The following JADE3 variants were observed in gnomAD, a reference collection of about 807,000 sequenced individuals.
The protein encoded by JADE3 is jade family PHD finger 3, also known as protein Jade-3.
JADE3 carries 2 observed loss-of-function variants against 50.1 expected under a neutral mutation model. The ratio of observed to expected loss-of-function variants is 0.04; its 90% CI spans 0.02 to 0.13. JADE3 has a LOEUF of 0.13. Among genes scored for constraint, JADE3 ranks in the 10% least tolerant of loss-of-function variants. The pLI is 1.00. For synonymous variants in JADE3, 218 were observed against 232.9 expected (o/e 0.94, Z 0.58); for missense variants, 475 against 634.4 (o/e 0.75, Z 2.70).
At chrX:46,948,662 G>A (rs1472964858) in intron 1 of JADE3, among the ~76,000 whole-genome samples, 1 of 111,951 alleles carries the variant, frequency 8.9e-6, no homozygotes, top group Admixed American at 9.5e-5. Flanking sequence ...TAGCATATAA[G>A]TAGAAGTATA....
chrX:47,014,657 A>G (rs1167348982), intron 4 of JADE3, among the ~76,000 whole-genome samples: 1 of 111,702 alleles, frequency 9.0e-6, no homozygotes, highest in Non-Finnish European at 1.9e-5. Context: ...AATTTTTGAA[A>G]TCTACATATA....
Position 47,059,865 on chromosome X carries a change from G to T in JADE3, c.*788G>T, listed in dbSNP as rs1202217106. ...CCTTTCCCAAAGTGAGACCATTTCT[G>T]GGGTATTTGTACCAGGTCAGGGTTT... On this transcript the variant is annotated 3_prime_UTR_variant, in exon 11 of 11. Coordinates refer to ENST00000614628, the MANE Select transcript of JADE3 (RefSeq NM_014735.5). The T allele has an allele frequency of 8.9e-6, 1 of 112,144 alleles. No homozygotes were observed. The highest frequency in any genetic ancestry group is 1.9e-5 in the Non-Finnish European group (1 of 53,209). The allele number at this position is 112,144 out of a possible 1,213,427, so 9.2% of individuals were successfully genotyped here. A position where few individuals can be genotyped will look rare whatever the true frequency, so the allele number is the denominator to read the frequency against.
intron 1 of JADE3, among the ~76,000 whole-genome samples, chrX:46,958,587 C>G (rs1927185933): frequency 9.0e-6 from 1 of 111,409 alleles, no homozygotes; most frequent in South Asian, 3.8e-4. Context: ...ACAATTTTCT[C>G]AATAAATGAG....
At chrX:47,039,226 G>A (rs1420887889) in intron 8 of JADE3, among the ~76,000 whole-genome samples, 161 bp downstream of exon 8, 1 of 110,859 alleles carries the variant, frequency 9.0e-6, no homozygotes, top group African/African-American at 3.3e-5. Context: ...TCCCTTTTTT[G>A]GATATTGCCT....
chrX:46,978,528 A>G (rs186513399), intron 1 of JADE3, among the ~76,000 whole-genome samples: 24 of 111,835 alleles, frequency 2.1e-4, no homozygotes, highest in Middle Eastern at 4.6e-3. Context: ...CCCTGTGCAA[A>G]GGCTGGCAAG....
chrX:47,048,347 C>T (rs1342761561), intron 8 of JADE3, among the ~76,000 whole-genome samples: 1 of 111,653 alleles, frequency 9.0e-6, no homozygotes, highest in African/African-American at 3.3e-5. Context: ...CTTTACCGCA[C>T]AATACCCAAG....
At chrX:46,935,759 C>T (rs1220640908) in intron 1 of JADE3, among the ~76,000 whole-genome samples, 1 of 108,944 alleles carries the variant, frequency 9.2e-6, no homozygotes, top group African/African-American at 3.4e-5. Flanking sequence ...CTGATACTTC[C>T]AGTATGACAT....
chrX:46,922,864 G>A (rs1194673392), intron 1 of JADE3, among the ~76,000 whole-genome samples: 1 of 111,524 alleles, frequency 9.0e-6, no homozygotes, highest in Non-Finnish European at 1.9e-5. Context: ...CACTTGGAAT[G>A]TTTTCTTGCC....
intron 4 of JADE3, among the ~76,000 whole-genome samples, chrX:47,007,568 T>C (rs1928457474): frequency 8.9e-6 from 1 of 111,753 alleles, no homozygotes; most frequent in Non-Finnish European, 1.9e-5. Flanking sequence ...GTCTACTTTA[T>C]CTGATGTTAG....
At chrX:47,011,576 G>A (rs782354573) in intron 4 of JADE3, among the ~76,000 whole-genome samples, 176 of 111,647 alleles carry the variant, frequency 1.6e-3, no homozygotes, top group Non-Finnish European at 2.9e-3. Flanking sequence ...GAGTCATATG[G>A]TAACTCTATC....
chrX:46,952,483 A>G (rs1487494939), intron 1 of JADE3, among the ~76,000 whole-genome samples: 2 of 112,324 alleles, frequency 1.8e-5, no homozygotes, highest in African/African-American at 6.5e-5. Context: ...TGCTAATTAG[A>G]ATCAGATCCA....
chrX:47,002,452 A>G lies in JADE3; in HGVS notation c.284+4175A>G, dbSNP rs1324325097. Among the ~76,000 whole-genome samples, 3 of 111,464 alleles carry G rather than the reference A, an allele frequency of 2.7e-5. No homozygotes were observed. The South Asian group carries it at 1.1e-3, about 41-fold the overall frequency. ...GCTGGATTTTCATAAGGATTATATT[A>G]AACCTTTATCACTTGGGAAGAATTG... On this transcript the variant is annotated intron_variant, in intron 4 of 10. Transcript: ENST00000614628.
intron 1 of JADE3, among the ~76,000 whole-genome samples, chrX:46,919,407 T>C (rs1926173473): frequency 8.9e-6 from 1 of 112,218 alleles, no homozygotes; most frequent in African/African-American, 3.2e-5. Context: ...TTTATATGAT[T>C]TATAATTTGT....
intron 1 of JADE3, among the ~76,000 whole-genome samples, chrX:46,978,310 T>C (rs1242443481): frequency 1.8e-5 from 2 of 112,143 alleles, no homozygotes; most frequent in Admixed American, 1.9e-4. Flanking sequence ...GGCTGCGGGT[T>C]GGACAAGCTT....
intron 1 of JADE3, among the ~76,000 whole-genome samples, chrX:46,941,581 TTAA>T (rs782819521): frequency 2.9e-4 from 33 of 111,962 alleles, no homozygotes; most frequent in African/African-American, 1.0e-3. Flanking sequence ...TTTTGACTTT[TTAA>T]TAATAGCCAT....
At chrX:46,984,268 G>A (rs1305714873) in intron 1 of JADE3, among the ~76,000 whole-genome samples, 1 of 112,102 alleles carries the variant, frequency 8.9e-6, no homozygotes, top group Non-Finnish European at 1.9e-5. Context: ...TTAGTCCAAA[G>A]CATTTTTATT....
chrX:46,941,396 T>G (rs782235469), intron 1 of JADE3, among the ~76,000 whole-genome samples: 1 of 111,435 alleles, frequency 9.0e-6, no homozygotes, highest in East Asian at 2.8e-4. Flanking sequence ...GTAGAATAAT[T>G]TATTTTCCTT....
intron 1 of JADE3, among the ~76,000 whole-genome samples, chrX:46,971,481 A>G (rs1927489607): frequency 9.1e-6 from 1 of 109,876 alleles, no homozygotes; most frequent in South Asian, 4.0e-4. Flanking sequence ...AGTTATTGGA[A>G]CTGGGGGCCT....
chrX:47,003,671 ATAAT>A (rs1195668939), intron 4 of JADE3, among the ~76,000 whole-genome samples: 6 of 100,390 alleles, frequency 6.0e-5, no homozygotes, highest in Admixed American at 4.7e-4. Flanking sequence ...ATTATATATT[ATAAT>A]TAATGTATAT....
Sources: gnomAD v4.1 joint callset for allele counts (sites outside exome capture counted in the v4.1 genomes callset) on GRCh38, gnomAD v4.1.1 for gene constraint, MANE v1.5 for transcripts, NCBI Gene and HGNC (gene_info 2026-07-23, HGNC 2026-07-21) for gene names.